Variants in LTBP1 observed in about 807,000 individuals in gnomAD.
LTBP1 encodes latent-transforming growth factor beta-binding protein 1.
LTBP1 carries 129 observed loss-of-function variants against 207.6 expected under a neutral mutation model. The ratio of observed to expected loss-of-function variants is 0.62; its 90% CI spans 0.54 to 0.72. LTBP1 has a LOEUF of 0.72. Ranked by LOEUF, LTBP1 falls within the 30% of genes least tolerant of loss-of-function variation. LTBP1 has a pLI of 0.00. For synonymous variants in LTBP1, 963 were observed against 833.7 expected (o/e 1.16, Z -2.67); for missense variants, 2,281 against 2,217.2 (o/e 1.03, Z -0.58).
At chr2:33,270,104 G>A (rs113640206) in intron 15 of LTBP1, among the ~76,000 whole-genome samples, 314 of 151,714 alleles carry the variant, frequency 2.1e-3, no homozygotes, top group Middle Eastern at 6.8e-3. Flanking sequence ...TTTTAGTAAG[G>A]ATGGGGTTTC....
chr2:33,393,139 C>T (rs890385129), intron 32 of LTBP1, among the ~76,000 whole-genome samples: 1 of 150,766 alleles, frequency 6.6e-6, no homozygotes, highest in Non-Finnish European at 1.5e-5. Context: ...CAGATTATTA[C>T]ATCACCTAGG....
chr2:33,383,732 T>C (rs184743476), intron 31 of LTBP1, among the ~76,000 whole-genome samples: 218 of 152,230 alleles, frequency 1.4e-3, no homozygotes, highest in Middle Eastern at 0.014. Flanking sequence ...AGACAGAGTT[T>C]CACCATGTTG....
chr2:33,372,595 C>T (rs1464702510), intron 31 of LTBP1, among the ~76,000 whole-genome samples: 2 of 152,040 alleles, frequency 1.3e-5, no homozygotes, highest in African/African-American at 2.4e-5. Context: ...GCTTAATCAC[C>T]GGGTGTGGTG....
intron 2 of LTBP1, among the ~76,000 whole-genome samples, chr2:32,990,169 G>T (rs1025215411): frequency 5.9e-5 from 9 of 152,198 alleles, no homozygotes; most frequent in Non-Finnish European, 5.9e-5. Flanking sequence ...GCTGCTTTAT[G>T]ATCTGATGCT....
chr2:33,235,437 G>A (rs1162405227), intron 9 of LTBP1, among the ~76,000 whole-genome samples: 2 of 152,118 alleles, frequency 1.3e-5, no homozygotes, highest in Non-Finnish European at 2.9e-5. Context: ...AAATAGGAAC[G>A]TTTTTACACT....
At chr2:33,320,661 C>A (rs1324836676) in intron 24 of LTBP1, among the ~76,000 whole-genome samples, 1 of 152,174 alleles carries the variant, frequency 6.6e-6, no homozygotes, top group Non-Finnish European at 1.5e-5. Flanking sequence ...CGAGGACTTT[C>A]TTGCAGCTGT....
chr2:33,058,868 T>G (rs1354765561), intron 3 of LTBP1, among the ~76,000 whole-genome samples: 2 of 152,214 alleles, frequency 1.3e-5, no homozygotes, highest in Non-Finnish European at 2.9e-5. Context: ...ACAGAAGTGC[T>G]GAATATGACC....
chr2:32,947,894 C>T (rs972597960), intron 1 of LTBP1, 76 bp downstream of exon 1: 4 of 1,211,880 alleles, frequency 3.3e-6, no homozygotes, highest in Admixed American at 4.3e-5. Flanking sequence ...GGGTCAGGGC[C>T]ACTCGGAGCC....
chr2:33,158,491 A>C (rs1383714633), intron 5 of LTBP1, among the ~76,000 whole-genome samples: 1 of 152,182 alleles, frequency 6.6e-6, no homozygotes, highest in Non-Finnish European at 1.5e-5. Flanking sequence ...TAGAGAAAGA[A>C]TTGAGACAGG....
intron 2 of LTBP1, among the ~76,000 whole-genome samples, chr2:32,960,000 A>C (rs1268885709): frequency 6.6e-6 from 1 of 152,140 alleles, no homozygotes; most frequent in Non-Finnish European, 1.5e-5. Context: ...GCGAGTAGAC[A>C]GTTAACACTT....
At chr2:33,303,041 A>G (rs1439759284) in intron 22 of LTBP1, among the ~76,000 whole-genome samples, 1 of 152,120 alleles carries the variant, frequency 6.6e-6, no homozygotes, top group Non-Finnish European at 1.5e-5. Flanking sequence ...CAGATAAGTG[A>G]TAATATAAGA....
chr2:33,397,506 CTT>C (rs35219261), intron 33 of LTBP1, among the ~76,000 whole-genome samples: 6 of 112,114 alleles, frequency 5.4e-5, no homozygotes, highest in African/African-American at 1.8e-4. Context: ...TACCACAATT[CTT>C]TTTTTTTTTT....
Position 33,393,610 on chromosome 2 carries a change from A to C in LTBP1, c.4835-3523A>C, listed in dbSNP as rs2095335081. Among the ~76,000 whole-genome samples the C allele has an allele frequency of 2.0e-5, 3 of 152,130 alleles. No homozygotes were observed. The South Asian group carries it at 6.2e-4, about 32-fold the overall frequency. ...TTCAGCTTCATCCATGTCCCTACAA[A>C]GGACATGAACTCATCATTTTTTATG... On this transcript the variant is annotated intron_variant, in intron 32 of 33. Transcript: ENST00000404816.
At chr2:33,249,225 A>G (rs77397304) in intron 10 of LTBP1, among the ~76,000 whole-genome samples, 2,210 of 152,068 alleles carry the variant, frequency 0.015, 22 homozygotes, top group East Asian at 0.025. Flanking sequence ...TGTCATTCAC[A>G]TTTTAACCCA....
intron 10 of LTBP1, among the ~76,000 whole-genome samples, chr2:33,244,372 T>C (rs2092437832): frequency 6.6e-6 from 1 of 152,226 alleles, no homozygotes; most frequent in African/African-American, 2.4e-5. Context: ...TTATACTGTT[T>C]TGCCTTAAAA....
chr2:33,309,541 A>T lies in LTBP1; in HGVS notation c.3589A>T (p.Asn1197Tyr). ...TCPDGFQLDDNKTCQDINECE... is the reference protein window; with the variant it reads ...TCPDGFQLDDYKTCQDINECE... ...TCCGGATGGATTTCAGCTAGATGACAATAAAACATGTCAAGGTATTTCTTG... is the reference window on the plus strand; with the variant it reads ...TCCGGATGGATTTCAGCTAGATGACTATAAAACATGTCAAGGTATTTCTTG... Residue 1197 changes from asparagine (N) to tyrosine (Y), a missense_variant, in exon 23 of 34, where the codon AAT becomes TAT. Coordinates refer to ENST00000404816, the MANE Select transcript of LTBP1 (RefSeq NM_206943.4). 1.2e-6 allele frequency: 2 copies of T among 1,606,598 alleles called. No homozygotes were observed. The highest frequency in any genetic ancestry group is 1.7e-6 in the Non-Finnish European group (2 of 1,177,730).
chr2:33,268,084 G>T (rs2093227892), intron 15 of LTBP1, among the ~76,000 whole-genome samples: 2 of 152,176 alleles, frequency 1.3e-5, no homozygotes, highest in Non-Finnish European at 2.9e-5. Flanking sequence ...AGAATCCATA[G>T]GGGGAACAGT....
intron 3 of LTBP1, among the ~76,000 whole-genome samples, chr2:33,035,294 C>A (rs2075868662): frequency 6.6e-6 from 1 of 152,140 alleles, no homozygotes; most frequent in African/African-American, 2.4e-5. Context: ...TTAAAAAATT[C>A]TAACTGGCTA....
intron 3 of LTBP1, among the ~76,000 whole-genome samples, chr2:33,103,343 A>T (rs1163183929): frequency 6.6e-6 from 1 of 151,958 alleles, no homozygotes; most frequent in Non-Finnish European, 1.5e-5. Flanking sequence ...CATTGTCTGT[A>T]TGCATAGCCT....
Sources: allele counts gnomAD v4.1 joint callset (sites outside exome capture counted in the v4.1 genomes callset), GRCh38; gene constraint gnomAD v4.1.1; transcripts MANE v1.5; gene names NCBI Gene and HGNC (gene_info 2026-07-23, HGNC 2026-07-21).